The following SEMA5A variants were observed in gnomAD, a reference collection of about 807,000 sequenced individuals.
The protein encoded by SEMA5A is semaphorin 5A.
In SEMA5A, 55 loss-of-function variants were observed where a neutral mutation model predicts 135.5. The observed-to-expected ratio is 0.41, with a 90% CI of 0.33 to 0.51. The LOEUF (loss-of-function observed/expected upper bound fraction) is 0.51. Ranked by LOEUF, SEMA5A falls within the 20% of genes least tolerant of loss-of-function variation. The pLI is 0.37. For missense variants in SEMA5A, 1,290 were observed against 1,419.9 expected (o/e 0.91, Z 1.47); for synonymous variants, 580 against 546.5 (o/e 1.06, Z -0.85).
rs147990680 is a variant in SEMA5A at position 9,234,650 on chromosome 5, T to C, written c.333+3178A>G. On this transcript the variant is annotated intron_variant, in intron 6 of 22. Coordinates refer to ENST00000382496, the MANE Select transcript of SEMA5A (RefSeq NM_003966.3). ...AACGTGTGATTTATCTTTCTCAGAG[T>C]ACGTGGTGCTTGACACTCATCTTCA... Among the ~76,000 whole-genome samples, 58 of 152,360 alleles carry C rather than the reference T, an allele frequency of 3.8e-4. No individual in the cohort carries two copies. In the East Asian group the frequency reaches 0.01, roughly 27 times the overall value.
intron 5 of SEMA5A, among the ~76,000 whole-genome samples, chr5:9,295,925 C>T (rs1751313689): frequency 6.6e-6 from 1 of 152,112 alleles, no homozygotes; most frequent in African/African-American, 2.4e-5. Flanking sequence ...TGTTCTCATC[C>T]AAATATCACC....
At chr5:9,288,371 C>CA (rs1357288194) in intron 5 of SEMA5A, among the ~76,000 whole-genome samples, 3 of 152,184 alleles carry the variant, frequency 2.0e-5, no homozygotes, top group Non-Finnish European at 4.4e-5. Context: ...CCAGGTAACC[C>CA]AGTGGCAGCC....
In SEMA5A at chr5:9,234,628, G is replaced by A. The variant is rs1358306165; in HGVS notation, c.333+3200C>T. On this transcript the variant is annotated intron_variant, in intron 6 of 22. Transcript: ENST00000382496. Reference sequence around the variant, plus strand: ...TATACTTAAGGCAACCTAAAAGAACGTGTGATTTATCTTTCTCAGAGTACG... The same window carrying A: ...TATACTTAAGGCAACCTAAAAGAACATGTGATTTATCTTTCTCAGAGTACG... Among the ~76,000 whole-genome samples, 3 of 149,678 alleles carry A rather than the reference G, an allele frequency of 2.0e-5. No individual in the cohort carries two copies. The East Asian group carries it at 5.8e-4, about 29-fold the overall frequency.
At chr5:9,301,713 C>T (rs760910713) in intron 5 of SEMA5A, among the ~76,000 whole-genome samples, 1 of 152,138 alleles carries the variant, frequency 6.6e-6, no homozygotes, top group African/African-American at 2.4e-5. Context: ...GGGTCATTTA[C>T]AGCACTCAGG....
At chr5:9,305,126 C>T (rs1371344539) in intron 5 of SEMA5A, among the ~76,000 whole-genome samples, 3 of 152,118 alleles carry the variant, frequency 2.0e-5, no homozygotes, top group Non-Finnish European at 4.4e-5. Context: ...TTCTCCCTCT[C>T]GCCTGTATTG....
Position 9,038,493 on chromosome 5 carries a change from T to C in SEMA5A, c.*4404A>G, listed in dbSNP as rs979004337. The stretch of plus-strand genomic sequence containing the variant: ...TCAGGGACAAAGTTGAAGAAGTATC[T>C]TGACAGTATTGGGGAAATATTTATG... On this transcript the variant is annotated 3_prime_UTR_variant, in exon 23 of 23. Transcript: ENST00000382496. 6.6e-6 allele frequency: 1 copy of C among 152,194 alleles called. No individual in the cohort carries two copies. The highest frequency in any genetic ancestry group is 1.5e-5 in the Non-Finnish European group (1 of 68,030). 9.4% of individuals were successfully genotyped at this position (152,194 alleles called of 1,614,324 possible). A position where few individuals can be genotyped will look rare whatever the true frequency, so the allele number is the denominator to read the frequency against.
rs1805987 is a variant in SEMA5A, at chr5:9,254,064, G to T, written c.271-16174C>A. Among the ~76,000 whole-genome samples the T allele has an allele frequency of 9.8e-3, 1,499 of 152,224 alleles. 26 individuals are homozygous for T. Among genetic ancestry groups the T allele is most frequent in the African/African-American group, 0.035 (1,447 of 41,536 alleles). Reference sequence around the variant, plus strand: ...ATCAACTATATAAAATCACTTGATTGGTTCTCTACCAAGAAAATGCCACAA... The same window carrying T: ...ATCAACTATATAAAATCACTTGATTTGTTCTCTACCAAGAAAATGCCACAA... On this transcript the variant is annotated intron_variant, in intron 5 of 22. Coordinates refer to ENST00000382496, the MANE Select transcript of SEMA5A (RefSeq NM_003966.3).
In SEMA5A at chr5:9,406,427, A is replaced by G. The variant is rs138628075; in HGVS notation, c.-77-26404T>C. ...ACATAAAACAAACTGCCCTCATGTC[A>G]GTACTCAATTCCAGTGAGAATTGAA... is the stretch of plus-strand genomic sequence containing the variant. On this transcript the variant is annotated intron_variant, in intron 2 of 22. Coordinates refer to ENST00000382496, the MANE Select transcript of SEMA5A (RefSeq NM_003966.3). Among the ~76,000 whole-genome samples the G allele has an allele frequency of 4.0e-3, 602 of 152,360 alleles. 8 individuals carry two copies. Among genetic ancestry groups the G allele is most frequent in the African/African-American group, 0.013 (554 of 41,584 alleles).
intron 7 of SEMA5A, among the ~76,000 whole-genome samples, chr5:9,225,435 G>A (rs1412387827): frequency 1.3e-5 from 2 of 148,472 alleles, no homozygotes; most frequent in Admixed American, 1.3e-4. Context: ...CACGCATGGT[G>A]GCATGCACCT....
chr5:9,130,184 A>T (rs1010974168), intron 13 of SEMA5A, among the ~76,000 whole-genome samples: 2 of 152,200 alleles, frequency 1.3e-5, no homozygotes, highest in South Asian at 4.1e-4. Context: ...AAGGATGTAG[A>T]TGCATTTGGT....
chr5:9,141,669 T>A (rs1449502469), intron 12 of SEMA5A, among the ~76,000 whole-genome samples: 1 of 152,224 alleles, frequency 6.6e-6, no homozygotes, highest in Non-Finnish European at 1.5e-5. Context: ...CCTTTCCACA[T>A]GACAATAACA....
chr5:9,134,814 A>G (rs1192099303), intron 13 of SEMA5A, among the ~76,000 whole-genome samples: 4 of 152,212 alleles, frequency 2.6e-5, no homozygotes, highest in African/African-American at 7.2e-5. Flanking sequence ...GTACTTTGGA[A>G]CCACATTTCA....
At chr5:9,108,480 A>G (rs1740049659) in intron 15 of SEMA5A, among the ~76,000 whole-genome samples, 193 bp from the exon 16 acceptor site, 2 of 152,172 alleles carry the variant, frequency 1.3e-5, no homozygotes, top group Non-Finnish European at 2.9e-5. Flanking sequence ...TGCACAGACA[A>G]TGGGATGCAT....
In SEMA5A at chr5:9,122,813, G is replaced by A; in HGVS notation, c.1624C>T (p.His542Tyr). ...GTCCACGGAGACCACACACCAAAGT[G>A]CCCATCCACGGTGAGATTCCTGGTC... ...CPTRNLTVDG[H>Y]FGVWSPWTPC... Residue 542 changes from histidine (H) to tyrosine (Y), a missense_variant, in exon 14 of 23, where the codon CAC (histidine) becomes TAC (tyrosine). Around this residue, in one of 3 missense-constraint regions of SEMA5A, gnomAD observed 1,029 missense variants for 1,086.6 expected, o/e 0.95. Coordinates refer to ENST00000382496, the MANE Select transcript of SEMA5A (RefSeq NM_003966.3). 1 of 1,605,594 alleles carries A rather than the reference G, an allele frequency of 6.2e-7. No individual in the cohort carries two copies. The highest frequency in any genetic ancestry group is 8.5e-7 in the Non-Finnish European group (1 of 1,174,802).
chr5:9,298,374 G>A (rs1294042720), intron 5 of SEMA5A, among the ~76,000 whole-genome samples: 1 of 152,126 alleles, frequency 6.6e-6, no homozygotes, highest in South Asian at 2.1e-4. Context: ...AGAGCCTTAG[G>A]GAAGAATATG....
intron 1 of SEMA5A, among the ~76,000 whole-genome samples, chr5:9,454,155 T>C (rs1758747043): frequency 6.6e-6 from 1 of 152,186 alleles, no homozygotes; most frequent in Non-Finnish European, 1.5e-5. Flanking sequence ...ATCTGTACCA[T>C]TGACAGGCAT....
chr5:9,312,285 T>C (rs1752174137), intron 5 of SEMA5A, among the ~76,000 whole-genome samples: 1 of 150,382 alleles, frequency 6.6e-6, no homozygotes, highest in Admixed American at 6.7e-5. Flanking sequence ...ACCATCACTA[T>C]GCCTGAAAAT....
intron 11 of SEMA5A, among the ~76,000 whole-genome samples, chr5:9,176,600 C>G (rs769260302): frequency 2.2e-4 from 34 of 152,236 alleles, no homozygotes; most frequent in Admixed American, 6.5e-5. Flanking sequence ...TCTGAATACC[C>G]TATTTAACAC....
intron 21 of SEMA5A, 44 bp from the exon 22 acceptor site, chr5:9,044,628 T>A (rs755231371): frequency 1.3e-6 from 2 of 1,522,786 alleles, no homozygotes; most frequent in East Asian, 4.5e-5. Flanking sequence ...GAAAAGAACA[T>A]CCTGCCTAGC....
Sources: allele counts gnomAD v4.1 joint callset (sites outside exome capture counted in the v4.1 genomes callset), GRCh38; gene constraint gnomAD v4.1.1; regional missense constraint gnomAD v4.1.1; transcripts MANE v1.5; gene names NCBI Gene and HGNC (gene_info 2026-07-23, HGNC 2026-07-21).